DOCK8: variants seen among roughly 807,000 people sequenced by gnomAD.
The protein encoded by DOCK8 is dedicator of cytokinesis protein 8.
Under a neutral mutation model 245.6 loss-of-function variants are expected in DOCK8, and 141 were observed. That is an observed-to-expected ratio of 0.57 (90% confidence interval 0.50 to 0.66). The LOEUF is 0.66. Ranked by LOEUF, DOCK8 falls within the 30% of genes least tolerant of loss-of-function variation. The pLI is 0.00. For synonymous variants in DOCK8, 1,168 were observed against 970.2 expected (o/e 1.20, Z -3.79); for missense variants, 2,965 against 2,603.4 (o/e 1.14, Z -3.02).
At chr9:221,405 G>A (rs2046879080) in intron 1 of DOCK8, among the ~76,000 whole-genome samples, 3 of 152,156 alleles carry the variant, frequency 2.0e-5, no homozygotes, top group Admixed American at 1.3e-4. Flanking sequence ...CATCTGTACT[G>A]AACATGTACA....
At chr9:328,258 G>T in intron 9 of DOCK8, 87 bp downstream of exon 9, 1 of 1,476,582 alleles carries the variant, frequency 6.8e-7, no homozygotes, top group Admixed American at 1.9e-5. Flanking sequence ...CGCAATCTCA[G>T]AATGTGTCCA....
chr9:384,074 C>A (rs1397828232), intron 22 of DOCK8, among the ~76,000 whole-genome samples: 1 of 152,190 alleles, frequency 6.6e-6, no homozygotes, highest in African/African-American at 2.4e-5. Context: ...GCAGTCTTGC[C>A]TCCATAGGCT....
chr9:413,865 C>T lies in DOCK8; in HGVS notation c.3531-917C>T, dbSNP rs571594554. Reference sequence around the variant, plus strand: ...CTCTAAAAGTTAAACAGAGGCTGGGCGCTCGGCGGCTCACGCCTATAATCT... The same window carrying T: ...CTCTAAAAGTTAAACAGAGGCTGGGTGCTCGGCGGCTCACGCCTATAATCT... On this transcript the variant is annotated intron_variant, in intron 28 of 47. Transcript: ENST00000432829. Among the ~76,000 whole-genome samples, 21 of 152,274 alleles carry T rather than the reference C, an allele frequency of 1.4e-4. No homozygotes were observed. In the South Asian group the frequency reaches 1.9e-3, roughly 14 times the overall value.
At chr9:433,009 A>G (rs1241633165) in intron 37 of DOCK8, among the ~76,000 whole-genome samples, 1 of 152,178 alleles carries the variant, frequency 6.6e-6, no homozygotes, top group African/African-American at 2.4e-5. Context: ...GAATGAATGA[A>G]TGTTTTCTTT....
chr9:375,009 A>T (rs141684243), intron 18 of DOCK8, among the ~76,000 whole-genome samples: 2 of 152,268 alleles, frequency 1.3e-5, no homozygotes, highest in African/African-American at 4.8e-5. Flanking sequence ...ACATGCTGGG[A>T]TATAAGGCCA....
At chr9:463,421 A>G in intron 46 of DOCK8, 96 bp from the exon 47 acceptor site, 14 of 1,501,244 alleles carry the variant, frequency 9.3e-6, no homozygotes, top group Non-Finnish European at 1.3e-5. Context: ...AAACGTTCTT[A>G]AAGTTATTCG....
intron 28 of DOCK8, 95 bp downstream of exon 28, chr9:407,164 C>T: frequency 7.3e-7 from 1 of 1,367,030 alleles, no homozygotes; most frequent in Non-Finnish European, 1.0e-6. Flanking sequence ...TGGTAAAAAA[C>T]TCTACTGTAG....
At chr9:355,183 G>T (rs7470883) in intron 14 of DOCK8, among the ~76,000 whole-genome samples, 126,617 of 142,560 alleles carry the variant, frequency 0.89, 56,068 homozygotes, top group African/African-American at 0.95. Context: ...GTGTATTTCT[G>T]TTTCTTTTCT....
chr9:295,870 G>A (rs1014074688), intron 4 of DOCK8, among the ~76,000 whole-genome samples: 1 of 152,142 alleles, frequency 6.6e-6, no homozygotes, highest in Non-Finnish European at 1.5e-5. Context: ...CTCAAGTACT[G>A]TAATTGAGAC....
chr9:456,677 G>C (rs1275447494), intron 46 of DOCK8: 2 of 152,154 alleles, frequency 1.3e-5, no homozygotes, highest in African/African-American at 4.8e-5. Context: ...TTACCAAGCT[G>C]GGACCTCAAT....
rs779444702 is a variant in DOCK8 at position 312,175 on chromosome 9, C to T, written c.741+9C>T. 1.7e-5 allele frequency: 28 copies of T among 1,613,650 alleles called. No individual in the cohort carries two copies. Among genetic ancestry groups the T allele is most frequent in the Non-Finnish European group, 2.2e-5 (26 of 1,179,730 alleles). ...ACCCATCAGTGGACGAGGTGGGTGC[C>T]ACTGTTTCCATACTGGAGAATCTCA... On this transcript the variant is annotated intron_variant, in intron 6 of 47. Transcript: ENST00000432829.
At chr9:211,472 A>T (rs522747), upstream of DOCK8, among the ~76,000 whole-genome samples, 69,839 of 151,864 alleles carry the variant, frequency 0.46, 16,437 homozygotes, top group East Asian at 0.7. Flanking sequence ...AGTGATAGAA[A>T]CAGATGAGAT....
intron 28 of DOCK8, among the ~76,000 whole-genome samples, chr9:413,848 G>A (rs189949522): frequency 6.6e-6 from 1 of 152,318 alleles, no homozygotes; most frequent in Admixed American, 6.5e-5. Flanking sequence ...TCCTCTAAAA[G>A]TTAAACAGAG....
intron 28 of DOCK8, among the ~76,000 whole-genome samples, chr9:413,408 G>A (rs2055841689): frequency 6.8e-6 from 1 of 147,928 alleles, no homozygotes; most frequent in Non-Finnish European, 1.5e-5. Flanking sequence ...ATAGATAACT[G>A]GACTTCAGTA....
intron 32 of DOCK8, among the ~76,000 whole-genome samples, chr9:421,345 C>G (rs1466651613): frequency 6.6e-6 from 1 of 152,188 alleles, no homozygotes; most frequent in Non-Finnish European, 1.5e-5. Context: ...AAAAGGTCAC[C>G]TCTAAGAATG....
chr9:235,921 G>A (rs903373743), intron 1 of DOCK8, among the ~76,000 whole-genome samples: 1 of 152,184 alleles, frequency 6.6e-6, no homozygotes, highest in African/African-American at 2.4e-5. Flanking sequence ...TGTACCTACT[G>A]TCTGGCACTC....
Position 443,452 on chromosome 9 carries a change from C to A in DOCK8, c.5516C>A (p.Ala1839Glu). The A allele has an allele frequency of 6.2e-7, 1 of 1,614,018 alleles. No homozygotes were observed. Among genetic ancestry groups the A allele is most frequent in the Non-Finnish European group, 8.5e-7 (1 of 1,179,988 alleles). ...GCATTTTATGGTCAATGTTTTGGTGCAGAATTTGTGGAAGTGATTAAAGAC... is the reference window on the plus strand; with the variant it reads ...GCATTTTATGGTCAATGTTTTGGTGAAGAATTTGTGGAAGTGATTAAAGAC... ...LEAFYGQCFG[A>E]EFVEVIKDST... Residue 1839 changes from alanine to glutamate, a missense_variant, in exon 43 of 48, where the codon GCA becomes GAA. Ala to Glu is a moderately radical substitution (Grantham distance 107, BLOSUM62 -1). Around this residue, in one of 3 missense-constraint regions of DOCK8, gnomAD observed 2,825 missense variants for 2,453.5 expected, o/e 1.15. Transcript: ENST00000432829.
At chr9:255,237 T>C (rs1249698341) in intron 1 of DOCK8, among the ~76,000 whole-genome samples, 4 of 152,212 alleles carry the variant, frequency 2.6e-5, no homozygotes, top group Admixed American at 6.5e-5. Context: ...CTTTAGATCA[T>C]CCTTATAACG....
chr9:385,058 G>A (rs997653537), intron 22 of DOCK8, among the ~76,000 whole-genome samples: 1 of 152,200 alleles, frequency 6.6e-6, no homozygotes, highest in Non-Finnish European at 1.5e-5. Context: ...GGATGTGCTG[G>A]AGTGAGCTCA....
Sources: gnomAD v4.1 joint callset for allele counts (sites outside exome capture counted in the v4.1 genomes callset) on GRCh38, gnomAD v4.1.1 for gene constraint, gnomAD v4.1.1 regional missense constraint, MANE v1.5 for transcripts, NCBI Gene and HGNC (gene_info 2026-07-23, HGNC 2026-07-21) for gene names.